Variants in EMX1 observed in about 807,000 individuals in gnomAD.
EMX1 encodes empty spiracles homeobox 1, also known as homeobox protein EMX1.
Under a neutral mutation model 20.1 loss-of-function variants are expected in EMX1, and 10 were observed. The observed-to-expected ratio is 0.50, with a 90% confidence interval of 0.31 to 0.84. The LOEUF (loss-of-function observed/expected upper bound fraction) is 0.84. EMX1 is among the 40% of genes least tolerant of loss of function. The pLI is 0.05. For missense variants in EMX1, 424 were observed against 431.9 expected (o/e 0.98, Z 0.16); for synonymous variants, 250 against 200.4 (o/e 1.25, Z -2.09).
upstream of EMX1, chr2:72,916,227 G>T (rs1278520073): frequency 6.1e-6 from 1 of 163,430 alleles, no homozygotes; most frequent in African/African-American, 2.4e-5. Flanking sequence ...GCTCAGGCGG[G>T]CCGCTGCCAA....
intron 2 of EMX1, among the ~76,000 whole-genome samples, chr2:72,929,610 A>G (rs1326119317): frequency 6.6e-6 from 1 of 152,200 alleles, no homozygotes; most frequent in Non-Finnish European, 1.5e-5. Flanking sequence ...AAGACAGGAC[A>G]CGTATTCACC....
upstream of EMX1, chr2:72,916,318 T>C (rs1201531546): frequency 3.5e-6 from 1 of 286,082 alleles, no homozygotes. Context: ...AACCCAGATC[T>C]GCGCGCCCAG....
In EMX1 at chr2:72,933,652, C is replaced by T. The variant is rs955788955; in HGVS notation, c.706-135C>T. The T allele has an allele frequency of 2.0e-5, 24 of 1,182,676 alleles. No individual in the cohort carries two copies. The East Asian group carries it at 2.3e-4, about 11-fold the overall frequency. The allele number at this position is 1,182,676 out of a possible 1,614,324, so 73.3% of individuals were successfully genotyped here. On this transcript the variant is annotated intron_variant, in intron 2 of 2. Coordinates refer to ENST00000258106, the MANE Select transcript of EMX1 (RefSeq NM_004097.3). ...GGGAGCAGCTGGTCAGAGGGGACCC[C>T]GGCCTGGGGCCCCTAACCCTATGTA...
In EMX1 at chr2:72,930,806, A is replaced by G. The variant is rs1326343586; in HGVS notation, c.706-2981A>G. 6.6e-6 allele frequency among the ~76,000 whole-genome samples: 1 copy of G among 152,210 alleles called. No homozygotes were observed. The highest frequency in any genetic ancestry group is 1.9e-4 in the East Asian group (1 of 5,202). ...GAGCCCAGTTCCTTTTCTTTTTCCA[A>G]GTAAAAAATAACTACCATTATCAAT... is the stretch of plus-strand genomic sequence containing the variant. On this transcript the variant is annotated intron_variant, in intron 2 of 2. Transcript: ENST00000258106. This position sits in a 1 kb window ranked among gnomAD's most constrained non-coding sequence, Gnocchi z 4.4.
At chr2:72,928,811 G>A (rs958936428) in intron 2 of EMX1, among the ~76,000 whole-genome samples, 1 of 152,202 alleles carries the variant, frequency 6.6e-6, no homozygotes, top group South Asian at 2.1e-4. Flanking sequence ...GCTGAGGGGT[G>A]TCAGGATAGA....
At chr2:72,920,855 G>A (rs944613250) in intron 1 of EMX1, among the ~76,000 whole-genome samples, 1 of 152,352 alleles carries the variant, frequency 6.6e-6, no homozygotes. Flanking sequence ...GTTTCCCCGA[G>A]ATCAGGAACT....
In EMX1 at chr2:72,918,068, C is replaced by T; in HGVS notation, c.216C>T (p.Ala72=). The T allele has an allele frequency of 7.1e-7, 1 of 1,418,264 alleles. No homozygotes were observed. Among genetic ancestry groups the T allele is most frequent in the Non-Finnish European group, 9.1e-7 (1 of 1,095,764 alleles). 87.9% of individuals were successfully genotyped at this position (1,418,264 alleles called of 1,614,324 possible). A position where few individuals can be genotyped will look rare whatever the true frequency, so the allele number is the denominator to read the frequency against. The change falls in exon 1 of 3, where the codon GCC becomes GCT. Residue 72 remains alanine (A), a synonymous_variant. Transcript: ENST00000258106. ...GGAGSHLLAA[A]ASEEPLRPTA... ...CGGGCTCCCATCTCCTGGCGGCGGC[C>T]GCCTCCGAGGAACCGCTCCGGCCCA...
At chr2:72,920,797 G>T (rs931835771) in intron 1 of EMX1, among the ~76,000 whole-genome samples, 10 of 152,230 alleles carry the variant, frequency 6.6e-5, no homozygotes, top group African/African-American at 2.4e-4. Context: ...CGCGAGCACC[G>T]AAGGGGAGGA....
intron 1 of EMX1, chr2:72,923,416 TCAGGGATGAAG>T (rs1236304164): frequency 8.5e-5 from 13 of 152,368 alleles, no homozygotes; most frequent in South Asian, 4.1e-4. Flanking sequence ...AAGGGACTAT[TCAGGGATGAAG>T]CAGGGATGAA....
At chr2:72,927,527 A>G (rs568929103) in intron 2 of EMX1, among the ~76,000 whole-genome samples, 1 of 152,048 alleles carries the variant, frequency 6.6e-6, no homozygotes, top group African/African-American at 2.4e-5. Flanking sequence ...CTTTGTTGTT[A>G]TTACTTAATT....
chr2:72,929,950 A>G (rs1024749107), intron 2 of EMX1, among the ~76,000 whole-genome samples: 1 of 152,082 alleles, frequency 6.6e-6, no homozygotes, highest in Non-Finnish European at 1.5e-5. Context: ...CCCTCCTCCA[A>G]CTTCCCCTAA....
intron 2 of EMX1, chr2:72,925,320 G>A: frequency 9.2e-7 from 1 of 1,089,196 alleles, no homozygotes; most frequent in South Asian, 1.8e-5. Context: ...TTAATTTAAG[G>A]GAAAAAATTA....
chr2:72,924,578 C>T, intron 2 of EMX1, 85 bp downstream of exon 2: 1 of 1,421,588 alleles, frequency 7.0e-7, no homozygotes, highest in South Asian at 1.4e-5. Context: ...GCCCTGAGCC[C>T]GCCCCAGCCC....
At chr2:72,921,491 T>C (rs1222833802) in intron 1 of EMX1, among the ~76,000 whole-genome samples, 1 of 152,118 alleles carries the variant, frequency 6.6e-6, no homozygotes, top group Non-Finnish European at 1.5e-5. Context: ...GGCGGGGCGG[T>C]ACAGGTACCT....
intron 2 of EMX1, among the ~76,000 whole-genome samples, chr2:72,931,482 C>T (rs1044722185): frequency 1.3e-4 from 20 of 152,160 alleles, no homozygotes; most frequent in African/African-American, 4.3e-4. Context: ...CTGAGTCACG[C>T]ACAGGAGGCA....
At position 72,918,329 on chromosome 2, in the gene EMX1, C is replaced by A; in HGVS notation, c.477C>A (p.Tyr159Ter). The A allele has an allele frequency of 6.5e-7, 1 of 1,545,704 alleles. No homozygotes were observed. Among genetic ancestry groups the A allele is most frequent in the South Asian group, 1.2e-5 (1 of 84,368 alleles). The change falls in exon 1 of 3, where the codon TAC (tyrosine) becomes TAA (stop). Residue 159 changes from tyrosine to a stop codon, truncating the protein, a stop_gained. Transcript: ENST00000258106. LOFTEE classifies it high-confidence loss of function. ...AGCACCGGGACCCTCTCCATTTCTA[C>A]CCCTGGGTCCTGCGGAACCGCTTCT... is the stretch of plus-strand genomic sequence containing the variant. Reference protein sequence around the residue: ...GAQHRDPLHFYPWVLRNRFFG... With the variant: ...GAQHRDPLHF
chr2:72,916,973 T>C (rs1670975401), upstream of EMX1: 1 of 714,254 alleles, frequency 1.4e-6, no homozygotes, highest in African/African-American at 1.7e-5. Context: ...GAGCGTCCCC[T>C]TTCCAGAGCT....
chr2:72,923,869 G>A, intron 1 of EMX1: 1 of 262,360 alleles, frequency 3.8e-6, no homozygotes, highest in South Asian at 4.6e-5. Flanking sequence ...GATGCTTTGC[G>A]ACCAGTTAAC....
Position 72,918,017 on chromosome 2 carries a change from C to A in EMX1, c.165C>A (p.Thr55=). Residue 55 remains threonine, a synonymous_variant, in exon 1 of 3, where the codon ACC becomes ACA. Coordinates refer to ENST00000258106, the MANE Select transcript of EMX1 (RefSeq NM_004097.3). ...IESLVAKDGG[T]GGGTGGGGAG... ...CCTTGGTGGCCAAGGACGGCGGCAC[C>A]GGCGGGGGCACTGGCGGCGGGGGCG... 2 of 1,435,210 alleles carry A rather than the reference C, an allele frequency of 1.4e-6. No individual in the cohort carries two copies. Among genetic ancestry groups the A allele is most frequent in the African/African-American group, 1.5e-5 (1 of 67,132 alleles). 88.9% of individuals were successfully genotyped at this position (1,435,210 alleles called of 1,614,324 possible).
Sources: allele counts gnomAD v4.1 joint callset (sites outside exome capture counted in the v4.1 genomes callset), GRCh38; gene constraint gnomAD v4.1.1; non-coding constraint Gnocchi (gnomAD v3.1); transcripts MANE v1.5; gene names NCBI Gene and HGNC (gene_info 2026-07-23, HGNC 2026-07-21).